Variants in USP31 observed in about 807,000 individuals in gnomAD.
The protein encoded by USP31 is ubiquitin carboxyl-terminal hydrolase 31.
In USP31, 44 loss-of-function variants were observed where a neutral mutation model predicts 119.4. The ratio of observed to expected loss-of-function variants is 0.37; its 90% CI spans 0.29 to 0.47. The LOEUF is 0.47. Among genes scored for constraint, USP31 ranks in the 20% least tolerant of loss-of-function variants. The pLI, the probability that USP31 is intolerant of heterozygous loss-of-function variation, is 0.99. For synonymous variants in USP31, 749 were observed against 705.6 expected (o/e 1.06, Z -0.97); for missense variants, 1,643 against 1,730.2 (o/e 0.95, Z 0.89).
rs1172836948 is a variant in USP31 at position 23,090,744 on chromosome 16, G to A, written c.1295C>T (p.Ser432Phe). 4 of 1,613,756 alleles carry A rather than the reference G, an allele frequency of 2.5e-6. No homozygotes were observed. The highest frequency in any genetic ancestry group is 2.7e-5 in the African/African-American group (2 of 74,918). The change falls in exon 7 of 16, where the codon TCT (serine) becomes TTT (phenylalanine). Residue 432 changes from serine to phenylalanine, a missense_variant. By Grantham distance (155) the Ser-to-Phe change is radical. Transcript: ENST00000219689. ...CTTTGCTGCTGTTTGTGTAGGAGAA[G>A]ACAGTCTATGATAATCCAAGCCAAA... ...LKFGLDYHRL[S>F]SPTQTAAKQG...
At position 23,063,729 on chromosome 16, in the gene USP31, G is replaced by A. The variant is rs989086304; in HGVS notation, c.*4317C>T. Reference sequence around the variant, plus strand: ...AATTTAAAAATAGAGCTCCATAATTGTTGCCTTTTTTTTTTAAGACTTAAC... The same window carrying A: ...AATTTAAAAATAGAGCTCCATAATTATTGCCTTTTTTTTTTAAGACTTAAC... On this transcript the variant is annotated 3_prime_UTR_variant, in exon 16 of 16. Coordinates refer to ENST00000219689, the MANE Select transcript of USP31 (RefSeq NM_020718.4). 1 of 145,138 alleles carries A rather than the reference G, an allele frequency of 6.9e-6. No individual in the cohort carries two copies. The highest frequency in any genetic ancestry group is 1.5e-5 in the Non-Finnish European group (1 of 65,250). The allele number at this position is 145,138 out of a possible 1,614,324, so 9.0% of individuals were successfully genotyped here. A position where few individuals can be genotyped will look rare whatever the true frequency, so the allele number is the denominator to read the frequency against.
In USP31 at chr16:23,149,297, G is replaced by GCGCC. The variant is rs1322771724; in HGVS notation, c.-31_-28dup. 3.1e-5 allele frequency: 32 copies of GCGCC among 1,045,002 alleles called. No homozygotes were observed. The highest frequency in any genetic ancestry group is 5.6e-5 in the Admixed American group (1 of 17,700). 64.7% of individuals were successfully genotyped at this position (1,045,002 alleles called of 1,614,324 possible). ...GCGGCGGCCGCAGACACTCATCACC[G>GCGCC]CGCCCGCCCGCCCGGCCCGCGGCCC... is the stretch of plus-strand genomic sequence containing the variant. On this transcript the variant is annotated 5_prime_UTR_variant, in exon 1 of 16. The change abolishes the stop of an existing upstream ORF in the 5' untranslated region. Transcript: ENST00000219689.
chr16:23,083,347 C>T (rs1381619915), intron 11 of USP31, among the ~76,000 whole-genome samples: 1 of 152,050 alleles, frequency 6.6e-6, no homozygotes, highest in Non-Finnish European at 1.5e-5. Context: ...TTACTTGTTC[C>T]ACTAGACTAC....
chr16:23,070,721 A>G (rs894393494), intron 15 of USP31, among the ~76,000 whole-genome samples: 13 of 152,136 alleles, frequency 8.5e-5, no homozygotes, highest in African/African-American at 2.9e-4. Flanking sequence ...TAAAAAAAAA[A>G]AAAAATACTC....
chr16:23,097,999 AG>A (rs1367874578), intron 6 of USP31, among the ~76,000 whole-genome samples: 2 of 151,302 alleles, frequency 1.3e-5, no homozygotes, highest in African/African-American at 4.9e-5. Context: ...AAAGAAATAA[AG>A]GGTATTCAAT....
rs750368574 is a variant in USP31 at position 23,087,169 on chromosome 16, C to A, written c.1545G>T (p.Leu515Phe). The A allele has an allele frequency of 6.2e-7, 1 of 1,613,550 alleles. No homozygotes were observed. The highest frequency in any genetic ancestry group is 1.1e-5 in the South Asian group (1 of 90,966). ...TVCIQVCPFS[L>F]RVVSVVGITY... is the part of the protein sequence containing the mutation. The stretch of plus-strand genomic sequence containing the variant: ...TTATTCCAACAACACTGACCACACG[C>A]AAGCTGAATGGACACACCTGCATCA... The change falls in exon 9 of 16, where the codon TTG (leucine) becomes TTT (phenylalanine). Residue 515 changes from leucine to phenylalanine, a missense_variant. This residue lies in a region of USP31 where 219 missense variants were observed against 226.4 expected (regional missense o/e 0.97). Transcript: ENST00000219689.
chr16:23,127,782 C>T (rs558002482), intron 1 of USP31, among the ~76,000 whole-genome samples: 8 of 151,842 alleles, frequency 5.3e-5, no homozygotes, highest in African/African-American at 1.9e-4. Context: ...CTGGCCGAAA[C>T]AACTAATATT....
intron 1 of USP31, among the ~76,000 whole-genome samples, chr16:23,118,887 C>G (rs928187370): frequency 6.6e-6 from 1 of 151,730 alleles, no homozygotes; most frequent in Admixed American, 6.6e-5. Flanking sequence ...GCAGGAGGAT[C>G]GCTTGAACCC....
intron 2 of USP31, among the ~76,000 whole-genome samples, chr16:23,107,742 CAT>C (rs1438414120): frequency 6.6e-6 from 1 of 152,124 alleles, no homozygotes; most frequent in Non-Finnish European, 1.5e-5. Flanking sequence ...AGAAAGCAAA[CAT>C]ATTCTGCTTT....
Position 23,149,180 on chromosome 16 carries a change from C to T in USP31, c.91G>A (p.Gly31Ser). 8.6e-7 allele frequency: 1 copy of T among 1,163,264 alleles called. No homozygotes were observed. The highest frequency in any genetic ancestry group is 1.1e-6 in the Non-Finnish European group (1 of 940,670). The allele number at this position is 1,163,264 out of a possible 1,614,324, so 72.1% of individuals were successfully genotyped here. A position where few individuals can be genotyped will look rare whatever the true frequency, so the allele number is the denominator to read the frequency against. ...CCCGCGCCGCCGCCGCCAGCGCGGC[C>T]GCTCCGAAACAGCCGCTTGCTGAAG... ...RSFSKRLFRSGRAGGGGAGGP... is the reference protein window; with the variant it reads ...RSFSKRLFRSSRAGGGGAGGP... Residue 31 changes from glycine (G) to serine (S), a missense_variant, in exon 1 of 16, where the codon GGC (glycine) becomes AGC (serine). Gly to Ser is a moderately conservative substitution (Grantham distance 56). Coordinates refer to ENST00000219689, the MANE Select transcript of USP31 (RefSeq NM_020718.4).
intron 1 of USP31, among the ~76,000 whole-genome samples, chr16:23,138,380 G>C (rs974518775): frequency 4.6e-5 from 7 of 152,190 alleles, no homozygotes; most frequent in African/African-American, 1.4e-4. Context: ...CAGTTTCAAA[G>C]AGGCTAAGAT....
intron 12 of USP31, among the ~76,000 whole-genome samples, chr16:23,080,822 G>C (rs555656546): frequency 1.3e-5 from 2 of 152,318 alleles, no homozygotes; most frequent in East Asian, 1.9e-4. Flanking sequence ...GCTACGTATA[G>C]GTCTGTGAAG....
rs780180932 is a variant in USP31 at position 23,069,389 on chromosome 16, T to C, written c.2716A>G (p.Lys906Glu). The change falls in exon 16 of 16, where the codon AAG (lysine) becomes GAG (glutamate). Residue 906 changes from lysine to glutamate, a missense_variant. Lys to Glu is a moderately conservative substitution (Grantham distance 56, BLOSUM62 1). This residue lies in a region of USP31 where 699 missense variants were observed against 650.9 expected (regional missense o/e 1.07). Coordinates refer to ENST00000219689, the MANE Select transcript of USP31 (RefSeq NM_020718.4). ...LEKIGEAADD[K>E]VSISCFGSLR... ...CTACCAAAGCAAGAGATGGAGACCTTGTCATCTGCTGCCTCCCCAATCTTC... is the reference window on the plus strand; with the variant it reads ...CTACCAAAGCAAGAGATGGAGACCTCGTCATCTGCTGCCTCCCCAATCTTC... The C allele has an allele frequency of 9.9e-6, 16 of 1,611,284 alleles. No homozygotes were observed. The highest frequency in any genetic ancestry group is 1.4e-5 in the Non-Finnish European group (16 of 1,177,838).
At chr16:23,118,249 T>A (rs971797280) in intron 1 of USP31, among the ~76,000 whole-genome samples, 3 of 152,192 alleles carry the variant, frequency 2.0e-5, no homozygotes, top group Non-Finnish European at 2.9e-5. Flanking sequence ...ACAGATGCTA[T>A]TATGTTAGTT....
chr16:23,087,042 T>C (rs759042802), intron 9 of USP31, 50 bp downstream of exon 9: 8 of 1,391,396 alleles, frequency 5.7e-6, no homozygotes, highest in Non-Finnish European at 8.0e-6. Context: ...AAATCACACA[T>C]GAATATGTGT....
At position 23,067,503 on chromosome 16, in the gene USP31, C is replaced by T. The variant is rs74899914; in HGVS notation, c.*543G>A. On this transcript the variant is annotated 3_prime_UTR_variant, in exon 16 of 16. Coordinates refer to ENST00000219689, the MANE Select transcript of USP31 (RefSeq NM_020718.4). Reference sequence around the variant, plus strand: ...AGAAACATTAGTGTTAAAATATTGCCCTTTACAAAGACTGGTAGATGGGGC... The same window carrying T: ...AGAAACATTAGTGTTAAAATATTGCTCTTTACAAAGACTGGTAGATGGGGC... 7.1e-3 allele frequency: 1,084 copies of T among 153,692 alleles called. 14 individuals carry two copies. Among genetic ancestry groups the T allele is most frequent in the Non-Finnish European group, 9.6e-3 (661 of 68,828 alleles). 9.5% of individuals were successfully genotyped at this position (153,692 alleles called of 1,614,324 possible). A position where few individuals can be genotyped will look rare whatever the true frequency, so the allele number is the denominator to read the frequency against.
Position 23,072,172 on chromosome 16 carries a change from T to C in USP31, c.2361A>G (p.Glu787=), listed in dbSNP as rs1478055852. Residue 787 remains glutamate, a synonymous_variant, in exon 15 of 16, where the codon GAA becomes GAG. Transcript: ENST00000219689. ...TGCCCGGGAGCCGGCTCACCCAGTG[T>C]TCACACAGGGAAGAACTTGTGGAGC... is the stretch of plus-strand genomic sequence containing the variant. ...VAGSTSSSLC[E]HWVSRLPGSK... The C allele has an allele frequency of 6.2e-7, 1 of 1,609,280 alleles. No individual in the cohort carries two copies. Among genetic ancestry groups the C allele is most frequent in the Non-Finnish European group, 8.5e-7 (1 of 1,179,996 alleles).
Position 23,078,347 on chromosome 16 carries a change from T to G in USP31, c.2176+1599A>C, listed in dbSNP as rs1900676486. Among the ~76,000 whole-genome samples the G allele has an allele frequency of 2.7e-5, 4 of 150,748 alleles. 1 individual carries two copies. In the South Asian group the frequency reaches 8.4e-4, roughly 32 times the overall value. On this transcript the variant is annotated intron_variant, in intron 13 of 15. Coordinates refer to ENST00000219689, the MANE Select transcript of USP31 (RefSeq NM_020718.4). The stretch of plus-strand genomic sequence containing the variant: ...AAAAAAAAAAGTATTTATAAAAAAT[T>G]AAGTGTCCACATCAAGCTACTTCTG...
intron 1 of USP31, among the ~76,000 whole-genome samples, chr16:23,118,390 C>T (rs1263871000): frequency 6.6e-6 from 1 of 152,006 alleles, no homozygotes; most frequent in African/African-American, 2.4e-5. Flanking sequence ...ATTAGAATTG[C>T]CTGGGGAAAG....
Sources: allele counts gnomAD v4.1 joint callset (sites outside exome capture counted in the v4.1 genomes callset), GRCh38; gene constraint gnomAD v4.1.1; regional missense constraint gnomAD v4.1.1; transcripts MANE v1.5; gene names NCBI Gene and HGNC (gene_info 2026-07-23, HGNC 2026-07-21).